MYO3A: variants seen among roughly 807,000 people sequenced by gnomAD.
MYO3A encodes the protein myosin IIIA.
In MYO3A, 180 loss-of-function variants were observed where a neutral mutation model predicts 192.7. The observed-to-expected ratio is 0.93, with a 90% CI of 0.83 to 1.06. MYO3A has a LOEUF of 1.06. Ranked by LOEUF, MYO3A falls within the 50% of genes least tolerant of loss-of-function variation. The pLI, the probability that MYO3A is intolerant of heterozygous loss-of-function variation, is 0.00. For synonymous variants in MYO3A, 628 were observed against 645.3 expected, an observed-to-expected ratio of 0.97 and a Z score of 0.41; for missense variants, 1,896 against 1,905.0, an observed-to-expected ratio of 1.00 and a Z score of 0.09.
intron 4 of MYO3A, among the ~76,000 whole-genome samples, chr10:25,964,560 A>C (rs1254841588): frequency 3.3e-5 from 5 of 152,126 alleles, no homozygotes; most frequent in Non-Finnish European, 7.4e-5. Flanking sequence ...TATGTCTTGA[A>C]AAGTTGTTGC....
intron 17 of MYO3A, among the ~76,000 whole-genome samples, chr10:26,104,078 C>CT (rs1403969986): frequency 4.0e-5 from 6 of 150,054 alleles, no homozygotes; most frequent in African/African-American, 1.5e-4. Flanking sequence ...TTTTTATAAT[C>CT]TAGGTATACT....
At chr10:26,145,374 G>A (rs1840399019) in intron 21 of MYO3A, 72 bp from the exon 22 acceptor site, 2 of 1,056,514 alleles carry the variant, frequency 1.9e-6, no homozygotes, top group African/African-American at 1.6e-5. Context: ...CCTTTTTATG[G>A]TAAATAATTT....
intron 4 of MYO3A, among the ~76,000 whole-genome samples, chr10:25,993,394 C>T (rs960958818): frequency 1.6e-4 from 25 of 152,006 alleles, no homozygotes; most frequent in African/African-American, 6.0e-4. Flanking sequence ...TTTGATTCTT[C>T]TCTCTTTTCT....
intron 4 of MYO3A, among the ~76,000 whole-genome samples, chr10:25,988,741 TA>T (rs960966377): frequency 2.6e-5 from 4 of 151,326 alleles, no homozygotes; most frequent in East Asian, 1.9e-4. Context: ...TACTCAGCAT[TA>T]AAAAAAAGGA....
At chr10:26,079,827 G>C (rs1033530192) in intron 14 of MYO3A, among the ~76,000 whole-genome samples, 2 of 152,164 alleles carry the variant, frequency 1.3e-5, no homozygotes, top group Non-Finnish European at 2.9e-5. Flanking sequence ...TGTTTTGTTT[G>C]AGGAGGCTGA....
At chr10:26,100,809 C>T (rs576213064) in intron 17 of MYO3A, among the ~76,000 whole-genome samples, 5 of 152,306 alleles carry the variant, frequency 3.3e-5, no homozygotes, top group African/African-American at 1.2e-4. Context: ...GAGTGCTTTA[C>T]TTCCAACTAT....
At chr10:26,175,762 G>C (rs557156699) in intron 30 of MYO3A, among the ~76,000 whole-genome samples, 2 of 152,300 alleles carry the variant, frequency 1.3e-5, no homozygotes, top group East Asian at 3.9e-4. Context: ...ACTCAGACCT[G>C]CTATGCCGTG....
chr10:26,193,340 G>A (rs2132152970), intron 32 of MYO3A, 29 bp downstream of exon 32: 1 of 1,512,374 alleles, frequency 6.6e-7, no homozygotes, highest in South Asian at 1.1e-5. Flanking sequence ...CTATCAGATG[G>A]GAGCCATCAC....
At chr10:25,935,994 G>T (rs72789911) in intron 2 of MYO3A, among the ~76,000 whole-genome samples, 164 bp downstream of exon 2, 6,809 of 152,208 alleles carry the variant, frequency 0.045, 185 homozygotes, top group Non-Finnish European at 0.065. Flanking sequence ...AGCTTTCAAA[G>T]ATAACATGGG....
chr10:25,962,309 G>C (rs1837983215), intron 4 of MYO3A, among the ~76,000 whole-genome samples: 3 of 151,914 alleles, frequency 2.0e-5, no homozygotes, highest in Admixed American at 2.0e-4. Context: ...CTCTGTTTAG[G>C]AGTTATTTTC....
intron 14 of MYO3A, among the ~76,000 whole-genome samples, chr10:26,080,583 AT>A (rs1342039883): frequency 2.5e-4 from 8 of 31,404 alleles, no homozygotes; most frequent in Admixed American, 5.6e-4. Context: ...AACTAGTGTA[AT>A]TTTTTTGGGG....
At chr10:25,990,962 G>T (rs186251407) in intron 4 of MYO3A, among the ~76,000 whole-genome samples, 2 of 151,980 alleles carry the variant, frequency 1.3e-5, no homozygotes, top group African/African-American at 2.4e-5. Context: ...GAGTAGTGCC[G>T]CAATAAACAT....
chr10:26,095,205 A>T (rs1836943751), intron 15 of MYO3A, among the ~76,000 whole-genome samples: 1 of 152,180 alleles, frequency 6.6e-6, no homozygotes, highest in Non-Finnish European at 1.5e-5. Flanking sequence ...TTGTGGTGGG[A>T]TGACAGTTTT....
chr10:26,103,250 AGGGTG>A (rs1837585639), intron 17 of MYO3A, among the ~76,000 whole-genome samples: 2 of 152,194 alleles, frequency 1.3e-5, no homozygotes, highest in Admixed American at 1.3e-4. Flanking sequence ...GCACAGTATT[AGGGTG>A]GGAGTGTCCC....
At chr10:25,998,056 T>G (rs139777953) in intron 6 of MYO3A, among the ~76,000 whole-genome samples, 1 of 152,326 alleles carries the variant, frequency 6.6e-6, no homozygotes, top group Non-Finnish European at 1.5e-5. Flanking sequence ...CTGTGTATAC[T>G]TCCTTGTTTG....
chr10:26,198,585 A>C (rs560516243), intron 32 of MYO3A, among the ~76,000 whole-genome samples: 3 of 152,330 alleles, frequency 2.0e-5, no homozygotes, highest in South Asian at 4.1e-4. Context: ...AGAAATTGGT[A>C]GTGTATTACC....
In MYO3A at chr10:26,077,233, G is replaced by GTTTTTTT. The variant is rs34464120; in HGVS notation, c.1359+6848_1359+6854dup. ...CTCCTTGGTTAGGTATATTCCTAAG[G>GTTTTTTT]TTTTTTTTTTTTTTTTTTTTTTGCA... On this transcript the variant is annotated intron_variant, in intron 14 of 34. Transcript: ENST00000642920. Among the ~76,000 whole-genome samples, 315 of 36,242 alleles carry GTTTTTTT rather than the reference G, an allele frequency of 8.7e-3. 19 individuals carry two copies. The highest frequency in any genetic ancestry group is 9.9e-3 in the African/African-American group (101 of 10,248). The allele number at this position is 36,242 out of a possible 152,430, so 23.8% of individuals were successfully genotyped here.
chr10:26,173,598 T>C, intron 29 of MYO3A, 65 bp from the exon 30 acceptor site: 1 of 1,445,180 alleles, frequency 6.9e-7, no homozygotes, highest in Middle Eastern at 2.5e-4. Flanking sequence ...CATATAACTA[T>C]TGCCAATAGA....
chr10:26,111,497 C>T (rs1265301840), intron 17 of MYO3A, among the ~76,000 whole-genome samples: 1 of 152,176 alleles, frequency 6.6e-6, no homozygotes. Context: ...GCATCTTTCC[C>T]TGCTGCCAAC....
Sources: gnomAD v4.1 joint callset for allele counts (sites outside exome capture counted in the v4.1 genomes callset) on GRCh38, gnomAD v4.1.1 for gene constraint, MANE v1.5 for transcripts, NCBI Gene and HGNC (gene_info 2026-07-23, HGNC 2026-07-21) for gene names.